The following PCBP2 variants were observed in gnomAD, a reference collection of about 807,000 sequenced individuals.
The protein encoded by PCBP2 is poly(rC)-binding protein 2.
A neutral mutation model predicts 50.1 loss-of-function variants in PCBP2; 4 were observed. The ratio of observed to expected loss-of-function variants is 0.08; its 90% CI spans 0.04 to 0.18. PCBP2 has a LOEUF of 0.18. Ranked by LOEUF, PCBP2 falls within the 10% of genes least tolerant of loss-of-function variation. The pLI is 1.00. For missense variants in PCBP2, 161 were observed against 474.3 expected (o/e 0.34, Z 6.14); for synonymous variants, 179 against 168.0 (o/e 1.07, Z -0.51).
At chr12:53,456,368 G>C (rs1941010632) in intron 5 of PCBP2, among the ~76,000 whole-genome samples, 1 of 151,090 alleles carries the variant, frequency 6.6e-6, no homozygotes, top group Non-Finnish European at 1.5e-5. Context: ...TGAGATAGGA[G>C]AAACGCTTGA....
chr12:53,460,641 A>G (rs1233404169), intron 6 of PCBP2: 2 of 233,336 alleles, frequency 8.6e-6, no homozygotes, highest in Non-Finnish European at 1.7e-5. Flanking sequence ...TACCTGGCAC[A>G]TAGAATGGCC....
chr12:53,479,239 T>C (rs1942884883), intron 14 of PCBP2, among the ~76,000 whole-genome samples, 167 bp from the exon 15 acceptor site: 2 of 152,294 alleles, frequency 1.3e-5, no homozygotes, highest in Middle Eastern at 3.4e-3. Context: ...CATGCTTGAA[T>C]TGCAAGGATT....
Position 53,467,183 on chromosome 12 carries a change from A to G in PCBP2, c.715-38A>G, listed in dbSNP as rs929926749. On this transcript the variant is annotated intron_variant, in intron 10 of 14. Coordinates refer to ENST00000546463, the MANE Select transcript of PCBP2 (RefSeq NM_031989.5). ...AATGTGCTTGAGCCCTGGCTCTGTTAAATCTTCTAATGCCAACCTCCTGTT... is the reference window on the plus strand; with the variant it reads ...AATGTGCTTGAGCCCTGGCTCTGTTGAATCTTCTAATGCCAACCTCCTGTT... 5.8e-6 allele frequency: 9 copies of G among 1,552,838 alleles called. No homozygotes were observed. In the Admixed American group the frequency reaches 1.4e-4, roughly 24 times the overall value.
intron 7 of PCBP2, 142 bp from the exon 8 acceptor site, chr12:53,462,351 G>A (rs1941508720): frequency 1.7e-6 from 1 of 581,826 alleles, no homozygotes; most frequent in African/African-American, 1.9e-5. Context: ...ATTGAGATTA[G>A]ATCTAGCCAG....
chr12:53,452,630 G>GGC (rs1565852869), intron 1 of PCBP2, among the ~76,000 whole-genome samples: 2 of 151,524 alleles, frequency 1.3e-5, no homozygotes, highest in African/African-American at 2.4e-5. Flanking sequence ...AGTCAGGGAG[G>GGC]GCGCGCGCGC....
At chr12:53,475,543 C>T (rs1373996192) in intron 14 of PCBP2, 4 of 153,390 alleles carry the variant, frequency 2.6e-5, no homozygotes, top group Admixed American at 6.4e-5. Context: ...AAAGCTGCTT[C>T]GTTAACTTTT....
chr12:53,475,569 A>C (rs1481066464), intron 14 of PCBP2: 1 of 171,800 alleles, frequency 5.8e-6, no homozygotes, highest in African/African-American at 2.5e-5. Context: ...TTTTTTTAAG[A>C]ATTATTTAAT....
intron 14 of PCBP2, among the ~76,000 whole-genome samples, chr12:53,472,139 CATATAGACTACT>C (rs1193163615): frequency 2.0e-5 from 3 of 152,066 alleles, no homozygotes; most frequent in African/African-American, 7.2e-5. Context: ...TTCTACATAG[CATATAGACTACT>C]ATTTCTTTCA....
At chr12:53,468,981 C>T in intron 13 of PCBP2, 149 bp downstream of exon 13, 1 of 596,610 alleles carries the variant, frequency 1.7e-6, no homozygotes, top group Non-Finnish European at 2.9e-6. Flanking sequence ...TGGCTCACCG[C>T]AGCCTCCGCC....
intron 14 of PCBP2, among the ~76,000 whole-genome samples, chr12:53,478,108 G>GT (rs1942762509): frequency 1.3e-5 from 2 of 152,216 alleles, no homozygotes; most frequent in Admixed American, 1.3e-4. Flanking sequence ...AGCCAGGTAT[G>GT]TTTAGATGGA....
At chr12:53,471,848 G>T in intron 14 of PCBP2, 41 bp downstream of exon 14, 4 of 1,534,028 alleles carry the variant, frequency 2.6e-6, no homozygotes, top group Non-Finnish European at 3.6e-6. Context: ...TGCCAACACA[G>T]TAATGTGTGT....
rs762063626 is a variant in PCBP2, at chr12:53,460,992, T to G, written c.376-23T>G. Reference sequence around the variant, plus strand: ...GAGCATGAACTGTTTTTCTCTGATTTTGAATTTCTTTTTACTCCAAAGAGT... The same window carrying G: ...GAGCATGAACTGTTTTTCTCTGATTGTGAATTTCTTTTTACTCCAAAGAGT... On this transcript the variant is annotated intron_variant, in intron 6 of 14. Coordinates refer to ENST00000546463, the MANE Select transcript of PCBP2 (RefSeq NM_031989.5). The G allele has an allele frequency of 4.5e-5, 73 of 1,611,528 alleles. No homozygotes were observed. The highest frequency in any genetic ancestry group is 5.9e-5 in the Non-Finnish European group (69 of 1,179,284).
chr12:53,461,446 A>G (rs915420273), intron 7 of PCBP2, among the ~76,000 whole-genome samples: 11 of 152,232 alleles, frequency 7.2e-5, no homozygotes, highest in African/African-American at 2.7e-4. Context: ...GTTCCTGAGT[A>G]GCTGAGTTAA....
chr12:53,477,439 G>A (rs1447583183), intron 14 of PCBP2, among the ~76,000 whole-genome samples: 1 of 152,062 alleles, frequency 6.6e-6, no homozygotes, highest in Non-Finnish European at 1.5e-5. Flanking sequence ...GCCGAGGCGG[G>A]TGGATCACGA....
At chr12:53,475,457 CTTG>C (rs1460306243) in intron 14 of PCBP2, 1 of 281,500 alleles carries the variant, frequency 3.6e-6, no homozygotes, top group Non-Finnish European at 7.0e-6. Flanking sequence ...TCTCTTCTTT[CTTG>C]TTTGTTACTT....
chr12:53,459,246 T>C, intron 5 of PCBP2, 26 bp from the exon 6 acceptor site: 1 of 1,575,342 alleles, frequency 6.3e-7, no homozygotes, highest in Non-Finnish European at 8.6e-7. Context: ...GGGATCTGCT[T>C]ATTGTGGTGT....
intron 1 of PCBP2, chr12:53,453,023 C>A (rs1167874677): frequency 1.3e-5 from 2 of 151,844 alleles, no homozygotes; most frequent in Non-Finnish European, 2.9e-5. Flanking sequence ...AATCCCAGAC[C>A]GAGCTATTTA....
At chr12:53,473,210 A>G (rs1050681043) in intron 14 of PCBP2, among the ~76,000 whole-genome samples, 9 of 151,834 alleles carry the variant, frequency 5.9e-5, no homozygotes, top group Non-Finnish European at 1.3e-4. Context: ...CAGCCTCCCA[A>G]GTAGCTGGGA....
chr12:53,462,220 T>C (rs1051362932), intron 7 of PCBP2, among the ~76,000 whole-genome samples: 1 of 152,250 alleles, frequency 6.6e-6, no homozygotes, highest in Non-Finnish European at 1.5e-5. Context: ...ATTAAATTTA[T>C]CTAAAATTTT....
Sources: allele counts gnomAD v4.1 joint callset (sites outside exome capture counted in the v4.1 genomes callset), GRCh38; gene constraint gnomAD v4.1.1; transcripts MANE v1.5; gene names NCBI Gene and HGNC (gene_info 2026-07-23, HGNC 2026-07-21).